Variants in RBFOX3 observed in about 807,000 individuals in gnomAD.
RBFOX3 encodes RNA binding protein fox-1 homolog 3.
Under a neutral mutation model 48.7 loss-of-function variants are expected in RBFOX3, and 17 were observed. That is an observed-to-expected ratio of 0.35 (90% CI 0.24 to 0.52). The LOEUF is 0.52. RBFOX3 is among the 20% of genes least tolerant of loss of function. The probability of loss-of-function intolerance (pLI) is 0.94; values close to 1 mark genes in which losing one functional copy is unlikely to be tolerated. For missense variants in RBFOX3, 382 were observed against 497.5 expected (o/e 0.77, Z 2.21); for synonymous variants, 212 against 209.5 (o/e 1.01, Z -0.10).
chr17:79,362,373 T>A lies in RBFOX3; in HGVS notation c.-174-54549A>T, dbSNP rs1189352965. Among the ~76,000 whole-genome samples the A allele has an allele frequency of 6.6e-6, 1 of 151,420 alleles. No homozygotes were observed. Among genetic ancestry groups the A allele is most frequent in the Non-Finnish European group, 1.5e-5 (1 of 67,948 alleles). On this transcript the variant is annotated intron_variant, in intron 2 of 14. Coordinates refer to ENST00000693108, the MANE Select transcript of RBFOX3 (RefSeq NM_001350451.2). The surrounding 1 kb of genome is among the most constrained non-coding windows in gnomAD (Gnocchi z 4.2). ...GCGTAGGACGGTGGGAGAGGCTGAG[T>A]GCAGCGTCTTTCAGAGCCAAACAGA...
At position 79,090,155 on chromosome 17, in the gene RBFOX3, G is replaced by A. The variant is rs2073623832; in HGVS notation, c.*728C>T. On this transcript the variant is annotated 3_prime_UTR_variant, in exon 15 of 15. Coordinates refer to ENST00000693108, the MANE Select transcript of RBFOX3 (RefSeq NM_001350451.2). ...CCCACTTGGCCACACTTGGAGGTGT[G>A]AGGAGTGGCTCCTGGCTGGCTGGGC... The A allele has an allele frequency of 6.6e-6, 1 of 152,348 alleles. No homozygotes were observed. The highest frequency in any genetic ancestry group is 2.4e-5 in the African/African-American group (1 of 41,452). 9.4% of individuals were successfully genotyped at this position (152,348 alleles called of 1,614,324 possible).
rs565754300 is a variant in RBFOX3 at position 79,399,748 on chromosome 17, A to G, written c.-175+82706T>C. 2.2e-3 allele frequency among the ~76,000 whole-genome samples: 329 copies of G among 152,330 alleles called. 3 individuals are homozygous for G. Among genetic ancestry groups the G allele is most frequent in the African/African-American group, 7.6e-3 (317 of 41,576 alleles). ...CTTTTCCTGCTGGCTTCTCAGGCAGATGTAGCCGAGGCCCCTCCCCGGGGA... is the reference window on the plus strand; with the variant it reads ...CTTTTCCTGCTGGCTTCTCAGGCAGGTGTAGCCGAGGCCCCTCCCCGGGGA... On this transcript the variant is annotated intron_variant, in intron 2 of 14. Transcript: ENST00000693108.
At chr17:79,113,322 G>T (rs753848145) in intron 5 of RBFOX3, among the ~76,000 whole-genome samples, 3 of 152,144 alleles carry the variant, frequency 2.0e-5, no homozygotes, top group Admixed American at 1.3e-4. Flanking sequence ...GTTGGGGAGC[G>T]CATGGCCTCT....
At chr17:79,321,225 A>G (rs1361801626) in intron 2 of RBFOX3, among the ~76,000 whole-genome samples, 2 of 152,218 alleles carry the variant, frequency 1.3e-5, no homozygotes, top group Non-Finnish European at 2.9e-5. Context: ...CTATGGGCTC[A>G]TTTCCCTTCT....
chr17:79,127,629 C>T (rs569415900), intron 4 of RBFOX3, among the ~76,000 whole-genome samples: 33 of 152,304 alleles, frequency 2.2e-4, no homozygotes, highest in Non-Finnish European at 4.3e-4. Flanking sequence ...CCCCGACCGG[C>T]GCCCTTGAGC....
At chr17:79,620,298 CACGCACAT>C in the RBFOX3 span, among the ~76,000 whole-genome samples, 1 of 151,818 alleles carries the variant, frequency 6.6e-6, no homozygotes, top group African/African-American at 2.4e-5. Flanking sequence ...CACACGCACA[CACGCACAT>C]GCACAAATAT....
chr17:79,122,599 T>C (rs2036047158), intron 4 of RBFOX3, among the ~76,000 whole-genome samples: 1 of 152,168 alleles, frequency 6.6e-6, no homozygotes, highest in African/African-American at 2.4e-5. Context: ...CCTCATACAC[T>C]GCTGGCGGGA....
rs2076846296 is a variant in RBFOX3 at position 79,103,610 on chromosome 17, G to C, written c.415-356C>G. 6.6e-6 allele frequency among the ~76,000 whole-genome samples: 1 copy of C among 152,128 alleles called. No homozygotes were observed. The highest frequency in any genetic ancestry group is 1.5e-5 in the Non-Finnish European group (1 of 68,006). ...CCTGAACCCCACCTTGGGGTAGGGG[G>C]CCCAGGCTGGGCTTCAGGACCTGCA... On this transcript the variant is annotated intron_variant, in intron 7 of 14. Transcript: ENST00000693108. The surrounding 1 kb of genome is among the most constrained non-coding windows in gnomAD (Gnocchi z 6.1).
At chr17:79,497,276 G>A (rs1189186538) in intron 1 of RBFOX3, among the ~76,000 whole-genome samples, 2 of 152,152 alleles carry the variant, frequency 1.3e-5, no homozygotes, top group South Asian at 2.1e-4. Context: ...TAAGACCTAC[G>A]CATTTCATAG....
intron 1 of RBFOX3, among the ~76,000 whole-genome samples, chr17:79,549,291 G>A (rs1303331834): frequency 2.0e-5 from 3 of 152,204 alleles, no homozygotes; most frequent in African/African-American, 7.2e-5. Context: ...GGAGCCTACA[G>A]CAGAGAAGCT....
the RBFOX3 span, among the ~76,000 whole-genome samples, chr17:79,650,510 C>G: frequency 6.6e-6 from 1 of 152,134 alleles, no homozygotes; most frequent in African/African-American, 2.4e-5. Context: ...CGCTCTCCCA[C>G]CCACTGAGGC....
chr17:79,304,419 A>C (rs1050888212), intron 3 of RBFOX3, among the ~76,000 whole-genome samples: 1 of 149,814 alleles, frequency 6.7e-6, no homozygotes, highest in African/African-American at 2.4e-5. Context: ...ATATATGTAC[A>C]TATATATTTT....
At chr17:79,112,904 C>CGGCGGGGGGGGGGGGGGGG (rs1307784460) in intron 5 of RBFOX3, among the ~76,000 whole-genome samples, 10 of 10,356 alleles carry the variant, frequency 9.7e-4, no homozygotes, top group African/African-American at 2.3e-3. Flanking sequence ...AGCAGGCTCT[C>CGGCGGGGGGGGGGGGGGGG]GGGGGGGGGG....
At chr17:79,370,703 G>C (rs754027923) in intron 2 of RBFOX3, among the ~76,000 whole-genome samples, 3 of 151,956 alleles carry the variant, frequency 2.0e-5, no homozygotes, top group Admixed American at 6.6e-5. Flanking sequence ...ACCCTGAAAT[G>C]CACGGTCACA....
At chr17:79,162,433 A>G (rs2047166460) in intron 4 of RBFOX3, among the ~76,000 whole-genome samples, 1 of 152,180 alleles carries the variant, frequency 6.6e-6, no homozygotes, top group Admixed American at 6.5e-5. Context: ...AGCCAGGCCC[A>G]CCACACAGAG....
chr17:79,244,552 C>T (rs1600193966), intron 3 of RBFOX3, among the ~76,000 whole-genome samples: 1 of 151,170 alleles, frequency 6.6e-6, no homozygotes, highest in East Asian at 2.0e-4. Flanking sequence ...TTTTCACCCC[C>T]TGCCTGCACC....
intron 2 of RBFOX3, among the ~76,000 whole-genome samples, chr17:79,353,719 C>T (rs1000584517): frequency 6.6e-6 from 1 of 152,038 alleles, no homozygotes; most frequent in Non-Finnish European, 1.5e-5. Context: ...TCGGTCTCAG[C>T]CAGTCGCGTT....
the RBFOX3 span, among the ~76,000 whole-genome samples, chr17:79,652,778 G>GA: frequency 6.6e-5 from 10 of 151,570 alleles, no homozygotes; most frequent in Admixed American, 4.6e-4. Context: ...AGAGAACAGA[G>GA]AAAATTAAGG....
intron 1 of RBFOX3, among the ~76,000 whole-genome samples, chr17:79,551,661 A>C (rs2091172408): frequency 6.6e-6 from 1 of 151,954 alleles, no homozygotes; most frequent in African/African-American, 2.4e-5. Flanking sequence ...CTTGGTGCCA[A>C]CCTCCTGGTA....
Sources: gnomAD v4.1 joint callset for allele counts (sites outside exome capture counted in the v4.1 genomes callset) on GRCh38, gnomAD v4.1.1 for gene constraint, Gnocchi (gnomAD v3.1) non-coding constraint, MANE v1.5 for transcripts, NCBI Gene and HGNC (gene_info 2026-07-23, HGNC 2026-07-21) for gene names.